TRAF5: variants seen among roughly 807,000 people sequenced by gnomAD.
TRAF5 encodes TNF receptor associated factor 5.
A neutral mutation model predicts 64.5 loss-of-function variants in TRAF5; 48 were observed. The ratio of observed to expected loss-of-function variants is 0.74; its 90% CI spans 0.59 to 0.95. The LOEUF is 0.95. TRAF5 is among the 40% of genes least tolerant of loss of function. TRAF5 has a pLI of 0.00. For synonymous variants in TRAF5, 206 were observed against 240.5 expected, an observed-to-expected ratio of 0.86 and a Z score of 1.33; for missense variants, 545 against 662.8, an observed-to-expected ratio of 0.82 and a Z score of 1.95.
At chr1:211,350,707 A>G (rs908889407) in intron 1 of TRAF5, among the ~76,000 whole-genome samples, 2 of 152,258 alleles carry the variant, frequency 1.3e-5, no homozygotes, top group East Asian at 1.9e-4. Flanking sequence ...TTGGGCTGCT[A>G]TAAGAAAGCA....
chr1:211,362,740 C>T (rs1703226345), intron 7 of TRAF5, among the ~76,000 whole-genome samples: 1 of 152,054 alleles, frequency 6.6e-6, no homozygotes, highest in Non-Finnish European at 1.5e-5. Flanking sequence ...ATGACTAACA[C>T]AAAACCAGAA....
At position 211,329,413 on chromosome 1, in the gene TRAF5, CT is replaced by C. The variant is rs1056838163; in HGVS notation, c.-2+2525del. Among the ~76,000 whole-genome samples the C allele has an allele frequency of 6.6e-4, 101 of 152,308 alleles. 1 individual carries two copies. The highest frequency in any genetic ancestry group is 2.3e-3 in the African/African-American group (97 of 41,560). Reference sequence around the variant, plus strand: ...ACAGCTTACGAGAAGCCCATCTCATCTGATTAACTTCTCACTACCTCCTCAG... The same window carrying C: ...ACAGCTTACGAGAAGCCCATCTCATCGATTAACTTCTCACTACCTCCTCAG... On this transcript the variant is annotated intron_variant, in intron 1 of 10. Coordinates refer to ENST00000261464, the MANE Select transcript of TRAF5 (RefSeq NM_001033910.3).
chr1:211,356,282 C>T (rs1702962577), intron 3 of TRAF5, 85 bp from the exon 4 acceptor site: 1 of 1,096,284 alleles, frequency 9.1e-7, no homozygotes, highest in South Asian at 1.4e-5. Flanking sequence ...TTCTGAGATA[C>T]ACTCGAAGAC....
At chr1:211,355,104 TGG>T (rs1289538880) in intron 3 of TRAF5, among the ~76,000 whole-genome samples, 3 of 151,120 alleles carry the variant, frequency 2.0e-5, no homozygotes, top group African/African-American at 7.3e-5. Flanking sequence ...ACCTGGGAGG[TGG>T]GGGTTGCAGT....
At chr1:211,345,028 C>T (rs1039692277) in intron 1 of TRAF5, among the ~76,000 whole-genome samples, 1 of 152,218 alleles carries the variant, frequency 6.6e-6, no homozygotes, top group African/African-American at 2.4e-5. Context: ...AAACGATTCT[C>T]CTGCCTTAGC....
chr1:211,330,086 G>C (rs1422091780), intron 1 of TRAF5, among the ~76,000 whole-genome samples: 2 of 152,200 alleles, frequency 1.3e-5, no homozygotes, highest in African/African-American at 2.4e-5. Flanking sequence ...CAGTGACAGT[G>C]GTGAGCACAT....
At chr1:211,336,299 C>T (rs1012858970) in intron 1 of TRAF5, among the ~76,000 whole-genome samples, 2 of 152,238 alleles carry the variant, frequency 1.3e-5, no homozygotes, top group Non-Finnish European at 2.9e-5. Flanking sequence ...CAGGTGCCTG[C>T]TACCCTTGGG....
intron 1 of TRAF5, among the ~76,000 whole-genome samples, chr1:211,328,793 C>T (rs1702085778): frequency 6.6e-6 from 1 of 152,214 alleles, no homozygotes. Context: ...CTTTGCAAAG[C>T]ATTTTCTCTT....
At chr1:211,327,420 G>A (rs1702049240) in intron 1 of TRAF5, among the ~76,000 whole-genome samples, 1 of 152,228 alleles carries the variant, frequency 6.6e-6, no homozygotes, top group South Asian at 2.1e-4. Flanking sequence ...GCCTCTACCA[G>A]CTGTTCGTTT....
chr1:211,327,755 G>C (rs1055806769), intron 1 of TRAF5, among the ~76,000 whole-genome samples: 2 of 152,224 alleles, frequency 1.3e-5, no homozygotes, highest in Admixed American at 1.3e-4. Flanking sequence ...TGAGAACTCA[G>C]TTATCTCGCT....
chr1:211,354,316 AG>A (rs1222077589), intron 2 of TRAF5, 93 bp from the exon 3 acceptor site: 2 of 1,222,510 alleles, frequency 1.6e-6, no homozygotes, highest in Admixed American at 3.9e-5. Flanking sequence ...CAGCCTGCCC[AG>A]GGCTAGAGCA....
intron 8 of TRAF5, among the ~76,000 whole-genome samples, chr1:211,366,361 T>A (rs1703350634): frequency 6.6e-6 from 1 of 152,182 alleles, no homozygotes. Context: ...TCTGTATCAG[T>A]TGCCTCATTC....
At chr1:211,342,822 G>A (rs1448464500) in intron 1 of TRAF5, among the ~76,000 whole-genome samples, 6 of 152,308 alleles carry the variant, frequency 3.9e-5, no homozygotes. Flanking sequence ...GTTGTTGCAA[G>A]TGATAGGATC....
chr1:211,353,710 A>G (rs1038048290), intron 2 of TRAF5: 30 of 503,126 alleles, frequency 6.0e-5, no homozygotes, highest in Admixed American at 1.9e-4. Flanking sequence ...GCAGACCTAG[A>G]CACACACTCC....
intron 4 of TRAF5, chr1:211,357,813 G>A (rs1161779719): frequency 6.6e-6 from 1 of 152,084 alleles, no homozygotes; most frequent in African/African-American, 2.4e-5. Context: ...TTCTGAGAAG[G>A]GATCAGCAAA....
intron 1 of TRAF5, among the ~76,000 whole-genome samples, chr1:211,333,267 C>A (rs904109508): frequency 3.9e-5 from 6 of 152,190 alleles, no homozygotes; most frequent in Non-Finnish European, 8.8e-5. Flanking sequence ...CGGCTCACTG[C>A]AACCTCCGCC....
chr1:211,342,541 CT>C (rs1702475956), intron 1 of TRAF5, among the ~76,000 whole-genome samples: 2 of 152,154 alleles, frequency 1.3e-5, no homozygotes, highest in Non-Finnish European at 2.9e-5. Flanking sequence ...TTATTGTTGA[CT>C]ATAGTCACCC....
chr1:211,339,030 C>G lies in TRAF5; in HGVS notation c.-2+12141C>G, dbSNP rs934162933. 3.9e-5 allele frequency among the ~76,000 whole-genome samples: 6 copies of G among 152,308 alleles called. No homozygotes were observed. The East Asian group carries it at 1.2e-3, about 29-fold the overall frequency. On this transcript the variant is annotated intron_variant, in intron 1 of 10. Coordinates refer to ENST00000261464, the MANE Select transcript of TRAF5 (RefSeq NM_001033910.3). The stretch of plus-strand genomic sequence containing the variant: ...ATCAAGCCCTCCTGTTTGGTGTTGG[C>G]TGCAATGGGGTACATTTTCTCCCAG...
intron 1 of TRAF5, among the ~76,000 whole-genome samples, chr1:211,342,012 T>C (rs1391580304): frequency 6.6e-6 from 1 of 152,180 alleles, no homozygotes; most frequent in Non-Finnish European, 1.5e-5. Context: ...GTACTACCAC[T>C]ATAAGTTCTT....
Sources: gnomAD v4.1 joint callset for allele counts (sites outside exome capture counted in the v4.1 genomes callset) on GRCh38, gnomAD v4.1.1 for gene constraint, MANE v1.5 for transcripts, NCBI Gene and HGNC (gene_info 2026-07-23, HGNC 2026-07-21) for gene names.